VPS13A: variants seen among roughly 807,000 people sequenced by gnomAD.
VPS13A encodes intermembrane lipid transfer protein VPS13A.
Under a neutral mutation model 390.9 loss-of-function variants are expected in VPS13A, and 264 were observed. The observed-to-expected ratio is 0.68, with a 90% CI of 0.61 to 0.75. The LOEUF (loss-of-function observed/expected upper bound fraction) is 0.75. Ranked by LOEUF, VPS13A falls within the 30% of genes least tolerant of loss-of-function variation. The pLI is 0.00. For missense variants in VPS13A, 3,409 were observed against 3,733.9 expected, an observed-to-expected ratio of 0.91 and a Z score of 2.27; for synonymous variants, 1,231 against 1,227.1, an observed-to-expected ratio of 1.00 and a Z score of -0.07.
chr9:77,317,676 C>A lies in VPS13A; in HGVS notation c.4934C>A (p.Ser1645Ter), dbSNP rs772836947. Residue 1645 changes from serine to a stop codon, truncating the protein, a stop_gained, in exon 40 of 72, where the codon TCA becomes TAA. Transcript: ENST00000360280. LOFTEE classifies it high-confidence loss of function. ...KGTDPQVIDM[S>*]VKSLTLKVSP... Reference sequence around the variant, plus strand: ...ACAGATCCACAAGTGATCGATATGTCAGTAAAATCCCTGACACTAAAGGTA... The same window carrying A: ...ACAGATCCACAAGTGATCGATATGTAAGTAAAATCCCTGACACTAAAGGTA... 1.3e-6 allele frequency: 2 copies of A among 1,597,282 alleles called. No individual in the cohort carries two copies. Among genetic ancestry groups the A allele is most frequent in the South Asian group, 2.3e-5 (2 of 87,964 alleles).
chr9:77,233,175 TTATC>T (rs893614808), intron 17 of VPS13A, among the ~76,000 whole-genome samples: 2 of 152,116 alleles, frequency 1.3e-5, no homozygotes, highest in Admixed American at 6.6e-5. Context: ...ATTTGTTCAT[TTATC>T]TATTTTGTTG....
intron 13 of VPS13A, among the ~76,000 whole-genome samples, chr9:77,221,984 T>C (rs1823247105): frequency 6.6e-6 from 1 of 152,126 alleles, no homozygotes; most frequent in South Asian, 2.1e-4. Flanking sequence ...TCTTGAGATA[T>C]TATTTTTGTA....
intron 24 of VPS13A, among the ~76,000 whole-genome samples, chr9:77,274,057 C>G (rs1400025111): frequency 6.6e-6 from 1 of 152,104 alleles, no homozygotes; most frequent in East Asian, 1.9e-4. Flanking sequence ...GAAATTTTAA[C>G]TAAAATTTAT....
At chr9:77,296,336 A>G (rs185624817) in intron 33 of VPS13A, among the ~76,000 whole-genome samples, 41 of 152,316 alleles carry the variant, frequency 2.7e-4, no homozygotes, top group African/African-American at 7.7e-4. Flanking sequence ...CAAATGTTCA[A>G]ATAGTTCGAG....
At chr9:77,339,438 A>G in intron 47 of VPS13A, 78 bp from the exon 48 acceptor site, 1 of 1,369,774 alleles carries the variant, frequency 7.3e-7, no homozygotes, top group Non-Finnish European at 9.9e-7. Context: ...CAGCATTTGG[A>G]ATACATAAAT....
intron 33 of VPS13A, among the ~76,000 whole-genome samples, chr9:77,302,282 A>G (rs1021487130): frequency 6.6e-6 from 1 of 151,480 alleles, no homozygotes; most frequent in South Asian, 2.1e-4. Context: ...TCTTATTTTA[A>G]TGGTTTACTA....
chr9:77,359,486 CAA>C lies in VPS13A; in HGVS notation c.8105+85_8105+86del, dbSNP rs1452146734. 3 of 1,163,950 alleles carry C rather than the reference CAA, an allele frequency of 2.6e-6. No individual in the cohort carries two copies. In the African/African-American group the frequency reaches 4.7e-5, roughly 18 times the overall value. 72.1% of individuals were successfully genotyped at this position (1,163,950 alleles called of 1,614,324 possible). ...TTGTTTGTACTCTTTAAATGTTGGACAAGTCAAAGATTTAAGCATAAAATATT... is the reference window on the plus strand; with the variant it reads ...TTGTTTGTACTCTTTAAATGTTGGACGTCAAAGATTTAAGCATAAAATATT... On this transcript the variant is annotated intron_variant, in intron 58 of 71. Coordinates refer to ENST00000360280, the MANE Select transcript of VPS13A (RefSeq NM_033305.3).
At chr9:77,218,194 A>G (rs1482072886) in intron 10 of VPS13A, among the ~76,000 whole-genome samples, 1 of 148,588 alleles carries the variant, frequency 6.7e-6, no homozygotes, top group Admixed American at 6.8e-5. Context: ...GCTCACTGTA[A>G]GCTCCACCTC....
rs748477733 is a variant in VPS13A at position 77,332,094 on chromosome 9, A to G, written c.6076A>G (p.Ile2026Val). The G allele has an allele frequency of 1.2e-6, 2 of 1,610,936 alleles. No individual in the cohort carries two copies. Among genetic ancestry groups the G allele is most frequent in the Admixed American group, 1.7e-5 (1 of 59,998 alleles). The change falls in exon 46 of 72, where the codon ATA (isoleucine) becomes GTA (valine). Residue 2026 changes from isoleucine (I) to valine (V), a missense_variant. Transcript: ENST00000360280. ...TGCCTCACCTGAAAATGAATTCAAC[A>G]TACCATTAGGATCTTACCGGTATTT... ...GTASPENEFN[I>V]PLGSYRSFIF... is the part of the protein sequence containing the mutation.
At chr9:77,379,065 CTTTT>C (rs71503211) in intron 67 of VPS13A, among the ~76,000 whole-genome samples, 2 of 72,364 alleles carry the variant, frequency 2.8e-5, no homozygotes, top group African/African-American at 6.0e-5. Flanking sequence ...ATTTTCAGTC[CTTTT>C]TTTTTTTTTT....
chr9:77,218,297 T>A (rs1339040711), intron 10 of VPS13A, among the ~76,000 whole-genome samples: 6 of 151,998 alleles, frequency 3.9e-5, no homozygotes, highest in African/African-American at 1.4e-4. Context: ...GTACTTTAAA[T>A]ACAGATGGGG....
chr9:77,240,525 G>A (rs1824426374), intron 19 of VPS13A, among the ~76,000 whole-genome samples: 1 of 144,438 alleles, frequency 6.9e-6, no homozygotes, highest in South Asian at 2.2e-4. Context: ...CAGCCAGGCT[G>A]GGGGTGCGGT....
intron 59 of VPS13A, 29 bp from the exon 60 acceptor site, chr9:77,365,431 A>G: frequency 2.1e-6 from 3 of 1,445,596 alleles, no homozygotes; most frequent in Non-Finnish European, 2.9e-6. Context: ...AGGTCCCTTT[A>G]GTTTTAATAT....
At chr9:77,317,123 A>T (rs941822703) in intron 39 of VPS13A, among the ~76,000 whole-genome samples, 1 of 152,030 alleles carries the variant, frequency 6.6e-6, no homozygotes, top group Admixed American at 6.6e-5. Flanking sequence ...GAAATATAAG[A>T]TGTAATTTTG....
At chr9:77,341,515 C>A (rs73654014) in intron 50 of VPS13A, among the ~76,000 whole-genome samples, 1,885 of 151,948 alleles carry the variant, frequency 0.012, 37 homozygotes, top group African/African-American at 0.044. Flanking sequence ...GTAAAATTTG[C>A]TACTATTGTT....
At chr9:77,414,531 T>G (rs1165726190) in intron 71 of VPS13A, among the ~76,000 whole-genome samples, 9 of 151,616 alleles carry the variant, frequency 5.9e-5, no homozygotes, top group African/African-American at 1.9e-4. Flanking sequence ...TAGGTGGGAA[T>G]TGAACAATGA....
chr9:77,345,198 A>G (rs1831082274), intron 52 of VPS13A, 56 bp downstream of exon 52: 1 of 1,576,038 alleles, frequency 6.3e-7, no homozygotes. Flanking sequence ...ATGATGAGGC[A>G]CAGTTTTTTT....
rs1214673215 is a variant in VPS13A at position 77,238,160 on chromosome 9, A to C, written c.1754A>C (p.Glu585Ala). Residue 585 changes from glutamate (E) to alanine (A), a missense_variant, in exon 18 of 72, where the codon GAA (glutamate) becomes GCA (alanine). This residue lies in a region of VPS13A where 2,717 missense variants were observed against 2,917.4 expected (regional missense o/e 0.93). Coordinates refer to ENST00000360280, the MANE Select transcript of VPS13A (RefSeq NM_033305.3). ...DETVSQRCII[E>A]AEPLEIIYDA... ...ACTGTTTCTCAGAGGTGTATCATAG[A>C]AGCTGAACCTTTAGAAATCATATAT... The C allele has an allele frequency of 6.2e-7, 1 of 1,613,602 alleles. No homozygotes were observed. Among genetic ancestry groups the C allele is most frequent in the East Asian group, 2.2e-5 (1 of 44,820 alleles).
chr9:77,409,469 G>A (rs1834800062), intron 71 of VPS13A, among the ~76,000 whole-genome samples: 1 of 152,208 alleles, frequency 6.6e-6, no homozygotes, highest in Non-Finnish European at 1.5e-5. Flanking sequence ...GACAAGTTGA[G>A]AGAAGAAGGC....
Sources: allele counts gnomAD v4.1 joint callset (sites outside exome capture counted in the v4.1 genomes callset), GRCh38; gene constraint gnomAD v4.1.1; regional missense constraint gnomAD v4.1.1; transcripts MANE v1.5; gene names NCBI Gene and HGNC (gene_info 2026-07-23, HGNC 2026-07-21).